Variants in TRIOBP observed in about 807,000 individuals in gnomAD.
The protein encoded by TRIOBP is TRIO and F-actin binding protein, also known as TRIO and F-actin-binding protein.
In TRIOBP, 169 loss-of-function variants were observed where a neutral mutation model predicts 238.8. The ratio of observed to expected loss-of-function variants is 0.71; its 90% CI spans 0.62 to 0.80. TRIOBP has a LOEUF of 0.80. Among genes scored for constraint, TRIOBP ranks in the 30% least tolerant of loss-of-function variants. The pLI, the probability that TRIOBP is intolerant of heterozygous loss-of-function variation, is 0.00. For synonymous variants in TRIOBP, 1,150 were observed against 1,274.4 expected, an observed-to-expected ratio of 0.90 and a Z score of 2.08; for missense variants, 2,838 against 3,122.6, an observed-to-expected ratio of 0.91 and a Z score of 2.17.
At chr22:37,763,066 T>C (rs2145875873) in intron 17 of TRIOBP, among the ~76,000 whole-genome samples, 1 of 152,254 alleles carries the variant, frequency 6.6e-6, no homozygotes. Flanking sequence ...GTTCGTCAGC[T>C]GAGTCCCACC....
At chr22:37,717,128 C>T (rs146856868) in intron 6 of TRIOBP, among the ~76,000 whole-genome samples, 177 of 152,270 alleles carry the variant, frequency 1.2e-3, no homozygotes, top group African/African-American at 4.0e-3. Flanking sequence ...TTCGCGGTCT[C>T]GCTGGCTCAG....
Position 37,704,007 on chromosome 22 carries a change from C to T in TRIOBP, c.114+2528C>T, listed in dbSNP as rs150394722. On this transcript the variant is annotated intron_variant, in intron 3 of 23. Coordinates refer to ENST00000644935, the MANE Select transcript of TRIOBP (RefSeq NM_001039141.3). ...CAATCCCACCATTTCCCACCCGAGA[C>T]CGTGGGTCAGCTCACAAATTCATAC... Among the ~76,000 whole-genome samples the T allele has an allele frequency of 9.1e-4, 139 of 152,248 alleles. 1 individual carries two copies. The East Asian group carries it at 0.026, about 29-fold the overall frequency.
chr22:37,759,921 A>G (rs1219289697), intron 17 of TRIOBP: 1 of 268,422 alleles, frequency 3.7e-6, no homozygotes, highest in Non-Finnish European at 6.4e-6. Flanking sequence ...TTAGTACACA[A>G]TTTACAAATA....
intron 19 of TRIOBP, 85 bp downstream of exon 19, chr22:37,768,261 C>A: frequency 8.9e-7 from 1 of 1,122,590 alleles, no homozygotes; most frequent in Non-Finnish European, 1.3e-6. Context: ...GCGGACACAT[C>A]AGTTTGCCCC....
intron 12 of TRIOBP, among the ~76,000 whole-genome samples, chr22:37,753,943 A>C (rs1204887376): frequency 6.6e-6 from 1 of 152,146 alleles, no homozygotes; most frequent in East Asian, 1.9e-4. Context: ...TGGGCTTGGC[A>C]TACTATCAGG....
At chr22:37,751,630 A>T in intron 11 of TRIOBP, 142 bp from the exon 12 acceptor site, 1 of 868,122 alleles carries the variant, frequency 1.2e-6, no homozygotes, top group Admixed American at 2.0e-5. Context: ...GGGGTTACCT[A>T]GGGCCTTAGC....
At chr22:37,699,255 C>T (rs531550557) in intron 2 of TRIOBP, among the ~76,000 whole-genome samples, 7 of 152,216 alleles carry the variant, frequency 4.6e-5, no homozygotes, top group Non-Finnish European at 8.8e-5. Context: ...TTGTCAAAGA[C>T]GTCGTCCTCA....
Position 37,724,369 on chromosome 22 carries a change from C to T in TRIOBP, c.1813C>T (p.Arg605Trp), listed in dbSNP as rs369602171. The change falls in exon 7 of 24, where the codon CGG (arginine) becomes TGG (tryptophan). Residue 605 changes from arginine to tryptophan, a missense_variant. By Grantham distance (101) the Arg-to-Trp change is moderately radical. Around this residue, in one of 5 missense-constraint regions of TRIOBP, gnomAD observed 14 missense variants for 198.4 expected, o/e 0.07. Coordinates refer to ENST00000644935, the MANE Select transcript of TRIOBP (RefSeq NM_001039141.3). The stretch of plus-strand genomic sequence containing the variant: ...CAACCCCACAACATCCTGTGCCCAG[C>T]GGGACAATCCCAGAGCCTCCAGAAC... ...RDNPTTSCAQ[R>W]DNPRASRTSS... The T allele has an allele frequency of 5.7e-6, 9 of 1,589,590 alleles. No individual in the cohort carries two copies. The highest frequency in any genetic ancestry group is 2.2e-5 in the South Asian group (2 of 89,736).
At chr22:37,745,931 T>C (rs1925204917) in intron 11 of TRIOBP, among the ~76,000 whole-genome samples, 1 of 151,838 alleles carries the variant, frequency 6.6e-6, no homozygotes, top group East Asian at 1.9e-4. Flanking sequence ...CCCGCGCCAT[T>C]GCCGGAGTCA....
In TRIOBP at chr22:37,775,569, T is replaced by G. The variant is rs1331277557; in HGVS notation, c.*1789T>G. ...GGGAGGCCAAGGCAGGGGGATCACT[T>G]GAGGTCAGGAGTTCGAGACCAGCCT... On this transcript the variant is annotated 3_prime_UTR_variant, in exon 24 of 24. Coordinates refer to ENST00000644935, the MANE Select transcript of TRIOBP (RefSeq NM_001039141.3). The G allele has an allele frequency of 6.6e-6, 1 of 152,160 alleles. No individual in the cohort carries two copies. The highest frequency in any genetic ancestry group is 1.9e-4 in the East Asian group (1 of 5,178). The allele number at this position is 152,160 out of a possible 1,614,324, so 9.4% of individuals were successfully genotyped here. A position where few individuals can be genotyped will look rare whatever the true frequency, so the allele number is the denominator to read the frequency against.
chr22:37,751,827 A>C lies in TRIOBP; in HGVS notation c.5378A>C (p.Glu1793Ala), dbSNP rs147273930. ...GWMSILDEPG[E>A]PPSPSLTTTS... ...ATGTCGATCTTGGACGAGCCTGGAGAGGTAAGAGGACTGAGGCCGGAGGGG... is the reference window on the plus strand; with the variant it reads ...ATGTCGATCTTGGACGAGCCTGGAGCGGTAAGAGGACTGAGGCCGGAGGGG... The change falls in exon 12 of 24, where the codon GAG becomes GCG. Residue 1793 changes from glutamate (E) to alanine (A), a missense_variant and splice_region_variant. This residue lies in a region of TRIOBP where 2,096 missense variants were observed against 2,137.4 expected (regional missense o/e 0.98). Coordinates refer to ENST00000644935, the MANE Select transcript of TRIOBP (RefSeq NM_001039141.3). 2.2e-4 allele frequency: 356 copies of C among 1,599,480 alleles called. 1 individual carries two copies. In the African/African-American group the frequency reaches 4.3e-3, roughly 19 times the overall value.
At chr22:37,741,097 G>C (rs535678222) in intron 11 of TRIOBP, 65 bp downstream of exon 11, 569 of 1,536,068 alleles carry the variant, frequency 3.7e-4, no homozygotes, top group Non-Finnish European at 4.9e-4. Flanking sequence ...GGAGGGAGGA[G>C]GGGGCTGTTA....
chr22:37,724,460 G>C lies in TRIOBP; in HGVS notation c.1904G>C (p.Arg635Thr). Residue 635 changes from arginine (R) to threonine (T), a missense_variant, in exon 7 of 24, where the codon AGA becomes ACA. By Grantham distance (71) the Arg-to-Thr change is moderately conservative (BLOSUM62 -1). Coordinates refer to ENST00000644935, the MANE Select transcript of TRIOBP (RefSeq NM_001039141.3). ...RTSCAQRDNP[R>T]ASSPNRTTQQ... ...TCCTGTGCCCAGCGGGACAATCCCA[G>C]AGCCTCCTCTCCCAACAGAACCACC... The C allele has an allele frequency of 6.2e-7, 1 of 1,611,360 alleles. No homozygotes were observed. The highest frequency in any genetic ancestry group is 2.2e-5 in the East Asian group (1 of 44,716).
intron 11 of TRIOBP, chr22:37,750,963 G>A (rs939909875): frequency 2.4e-5 from 9 of 367,892 alleles, no homozygotes; most frequent in Admixed American, 3.6e-5. Context: ...CCTCCCTGCC[G>A]GCGCCAGGAG....
intron 11 of TRIOBP, among the ~76,000 whole-genome samples, chr22:37,746,044 C>CCCGCCGT (rs1240441336): frequency 7.4e-6 from 1 of 134,548 alleles, no homozygotes; most frequent in East Asian, 2.3e-4. Context: ...CATCCGCCCA[C>CCCGCCGT]CCCGCCGTCC....
At chr22:37,736,789 G>A (rs1481427622) in intron 9 of TRIOBP, among the ~76,000 whole-genome samples, 4 of 152,070 alleles carry the variant, frequency 2.6e-5, no homozygotes, top group Admixed American at 2.0e-4. Context: ...CACCATGCCC[G>A]GCTAATTTTG....
chr22:37,698,767 G>A (rs1436062829), intron 2 of TRIOBP, among the ~76,000 whole-genome samples: 2 of 151,782 alleles, frequency 1.3e-5, no homozygotes, highest in Non-Finnish European at 2.9e-5. Context: ...ATTTGAGCCC[G>A]GGAGTTTGAG....
At position 37,755,425 on chromosome 22, in the gene TRIOBP, C is replaced by T. The variant is rs559570244; in HGVS notation, c.5578-125C>T. The T allele has an allele frequency of 3.0e-4, 299 of 982,138 alleles. 1 individual carries two copies. In the African/African-American group the frequency reaches 4.3e-3, roughly 14 times the overall value. 60.8% of individuals were successfully genotyped at this position (982,138 alleles called of 1,614,324 possible). A position where few individuals can be genotyped will look rare whatever the true frequency, so the allele number is the denominator to read the frequency against. ...TGGAAGGGAGGTTTTGTACCCCCTG[C>T]CCACCCCAGACTCAAGACCTTAGAT... On this transcript the variant is annotated intron_variant, in intron 14 of 23. Coordinates refer to ENST00000644935, the MANE Select transcript of TRIOBP (RefSeq NM_001039141.3).
At position 37,757,656 on chromosome 22, in the gene TRIOBP, A is replaced by G. The variant is rs1405186995; in HGVS notation, c.5731A>G (p.Thr1911Ala). 6 of 1,590,738 alleles carry G rather than the reference A, an allele frequency of 3.8e-6. No homozygotes were observed. The South Asian group carries it at 6.8e-5, about 18-fold the overall frequency. Reference sequence around the variant, plus strand: ...GGAGAACGCGCTGCACAGCTACAGCACCCAGAAGGGCCCCCTGAAGGCAGG... The same window carrying G: ...GGAGAACGCGCTGCACAGCTACAGCGCCCAGAAGGGCCCCCTGAAGGCAGG... ...NKENALHSYS[T>A]QKGPLKAGEQ... Residue 1911 changes from threonine (T) to alanine (A), a missense_variant, in exon 16 of 24, where the codon ACC (threonine) becomes GCC (alanine). Coordinates refer to ENST00000644935, the MANE Select transcript of TRIOBP (RefSeq NM_001039141.3).
Sources: allele counts gnomAD v4.1 joint callset (sites outside exome capture counted in the v4.1 genomes callset), GRCh38; gene constraint gnomAD v4.1.1; regional missense constraint gnomAD v4.1.1; transcripts MANE v1.5; gene names NCBI Gene and HGNC (gene_info 2026-07-23, HGNC 2026-07-21).